The following PRPS2 variants were observed in gnomAD, a reference collection of about 807,000 sequenced individuals.
PRPS2 encodes ribose-phosphate pyrophosphokinase 2.
For synonymous variants in PRPS2, 111 were observed against 115.3 expected, an observed-to-expected ratio of 0.96 and a Z score of 0.24; for missense variants, 104 against 271.5, an observed-to-expected ratio of 0.38 and a Z score of 4.34.
At chrX:12,805,942 G>A (rs1263034207) in intron 2 of PRPS2, among the ~76,000 whole-genome samples, 10 of 111,791 alleles carry the variant, frequency 8.9e-5, no homozygotes, top group Middle Eastern at 4.6e-3. Context: ...GCCTGGTGGC[G>A]TGTGCCTGTA....
At chrX:12,799,835 C>T (rs2042560770) in intron 2 of PRPS2, among the ~76,000 whole-genome samples, 3 of 110,974 alleles carry the variant, frequency 2.7e-5, no homozygotes, top group East Asian at 5.6e-4. Flanking sequence ...AGGATCTCTG[C>T]GTTGTTTCAT....
intron 1 of PRPS2, 127 bp from the exon 2 acceptor site, chrX:12,799,080 A>G: frequency 1.7e-6 from 1 of 582,231 alleles, no homozygotes; most frequent in Non-Finnish European, 2.7e-6. Context: ...AATTACAGCC[A>G]TGAGTGCAAC....
intron 1 of PRPS2, 100 bp from the exon 2 acceptor site, chrX:12,799,107 A>G (rs1320277103): frequency 3.7e-6 from 3 of 816,362 alleles, no homozygotes; most frequent in African/African-American, 2.0e-5. Flanking sequence ...GCTGAGTCCT[A>G]TAAGTCATCC....
chrX:12,807,184 G>T (rs2042597999), intron 2 of PRPS2, among the ~76,000 whole-genome samples: 2 of 112,450 alleles, frequency 1.8e-5, no homozygotes, highest in Non-Finnish European at 1.9e-5. Flanking sequence ...GTCTGGTACG[G>T]GCTGCGTCCT....
At chrX:12,797,133 G>A (rs1316082052) in intron 1 of PRPS2, among the ~76,000 whole-genome samples, 1 of 109,954 alleles carries the variant, frequency 9.1e-6, no homozygotes, top group Non-Finnish European at 1.9e-5. Context: ...TGAGGTGGGC[G>A]GATCACTTGA....
At chrX:12,817,274 C>T (rs1158641532) in intron 4 of PRPS2, among the ~76,000 whole-genome samples, 2 of 110,189 alleles carry the variant, frequency 1.8e-5, no homozygotes, top group African/African-American at 3.3e-5. Context: ...TTTTTTTATG[C>T]AGAATTTTGT....
At position 12,823,846 on chromosome X, in the gene PRPS2, A is replaced by G. The variant is rs777388831; in HGVS notation, c.*1050A>G. The G allele has an allele frequency of 1.8e-5, 2 of 112,422 alleles. No individual in the cohort carries two copies. Among genetic ancestry groups the G allele is most frequent in the South Asian group, 7.4e-4 (2 of 2,710 alleles). 9.3% of individuals were successfully genotyped at this position (112,422 alleles called of 1,213,427 possible). On this transcript the variant is annotated 3_prime_UTR_variant, in exon 7 of 7. Coordinates refer to ENST00000380668, the MANE Select transcript of PRPS2 (RefSeq NM_002765.5). Reference sequence around the variant, plus strand: ...TTGGTGTTTCCAGTTCACAAAGGTGATGAAGACTGTCTTGGGAGCAGCTTA... The same window carrying G: ...TTGGTGTTTCCAGTTCACAAAGGTGGTGAAGACTGTCTTGGGAGCAGCTTA...
chrX:12,817,896 A>G (rs911421918), intron 4 of PRPS2, among the ~76,000 whole-genome samples: 1 of 110,870 alleles, frequency 9.0e-6, no homozygotes, highest in African/African-American at 3.3e-5. Context: ...GGGGGAGGGG[A>G]GAATAGGGAG....
chrX:12,803,480 TG>T (rs1156477624), intron 2 of PRPS2, among the ~76,000 whole-genome samples: 1 of 112,169 alleles, frequency 8.9e-6, no homozygotes, highest in African/African-American at 3.2e-5. Context: ...GTAGAGGCAG[TG>T]TCTCACTATG....
chrX:12,820,385 T>C (rs2042669688), intron 5 of PRPS2, among the ~76,000 whole-genome samples: 1 of 110,871 alleles, frequency 9.0e-6, no homozygotes, highest in Non-Finnish European at 1.9e-5. Context: ...GCTGTTGAAT[T>C]TTCCCATAAT....
At chrX:12,807,402 A>T (rs2042599071) in intron 2 of PRPS2, among the ~76,000 whole-genome samples, 2 of 112,505 alleles carry the variant, frequency 1.8e-5, no homozygotes, top group African/African-American at 6.5e-5. Flanking sequence ...ACCCGTAGTA[A>T]CTGATTCGAC....
At chrX:12,794,836 T>G (rs911345742) in intron 1 of PRPS2, among the ~76,000 whole-genome samples, 4 of 111,930 alleles carry the variant, frequency 3.6e-5, no homozygotes, top group African/African-American at 1.3e-4. Context: ...AATCTAATCT[T>G]GTGGGATAAA....
intron 1 of PRPS2, among the ~76,000 whole-genome samples, chrX:12,798,594 C>A (rs1302311160): frequency 8.9e-6 from 1 of 112,016 alleles, no homozygotes; most frequent in Non-Finnish European, 1.9e-5. Context: ...GACTGTATAA[C>A]TTTAATAAAA....
chrX:12,824,028 T>G lies in PRPS2; in HGVS notation c.*1232T>G, dbSNP rs2042688714. 1 of 112,290 alleles carries G rather than the reference T, an allele frequency of 8.9e-6. No homozygotes were observed. The highest frequency in any genetic ancestry group is 2.8e-4 in the East Asian group (1 of 3,594). 9.3% of individuals were successfully genotyped at this position (112,290 alleles called of 1,213,427 possible). A position where few individuals can be genotyped will look rare whatever the true frequency, so the allele number is the denominator to read the frequency against. ...GAGAAATATGAATATACCAAAGTTG[T>G]TTGTTTAGCCTCCAACTTAAATTAC... On this transcript the variant is annotated 3_prime_UTR_variant, in exon 7 of 7. Transcript: ENST00000380668.
intron 4 of PRPS2, among the ~76,000 whole-genome samples, chrX:12,814,845 A>C (rs2042639762): frequency 8.9e-6 from 1 of 112,328 alleles, no homozygotes; most frequent in Non-Finnish European, 1.9e-5. Flanking sequence ...AAAGAAGAAA[A>C]TCTTAACACT....
In PRPS2 at chrX:12,810,132, A is replaced by T; in HGVS notation, c.516A>T (p.Ala172=). ...WKNCIIVSPD[A]GGAKRVTSIA... ...ACTGTATCATTGTTTCACCTGACGC[A>T]GGGGGAGCCAAAAGGTATCATGCAG... The change falls in exon 4 of 7, where the codon GCA becomes GCT. Residue 172 remains alanine (A), a synonymous_variant. Coordinates refer to ENST00000380668, the MANE Select transcript of PRPS2 (RefSeq NM_002765.5). The T allele has an allele frequency of 8.3e-7, 1 of 1,211,912 alleles. No individual in the cohort carries two copies. The highest frequency in any genetic ancestry group is 1.1e-6 in the Non-Finnish European group (1 of 895,465).
chrX:12,820,238 T>G (rs1017847042), intron 5 of PRPS2, among the ~76,000 whole-genome samples: 34 of 112,634 alleles, frequency 3.0e-4, no homozygotes, highest in Non-Finnish European at 6.0e-4. Context: ...CAATGATGTT[T>G]GGCTATATTG....
intron 2 of PRPS2, among the ~76,000 whole-genome samples, chrX:12,801,400 CT>C (rs1712094391): frequency 2.7e-5 from 3 of 111,935 alleles, no homozygotes; most frequent in East Asian, 5.6e-4. Flanking sequence ...GTATTTTTAG[CT>C]GTTAAATTTC....
chrX:12,811,587 C>G (rs746908506), intron 4 of PRPS2, among the ~76,000 whole-genome samples: 12 of 111,519 alleles, frequency 1.1e-4, no homozygotes, highest in African/African-American at 3.6e-4. Context: ...ACCCCCCAGT[C>G]CAGTGAGGAA....
Sources: gnomAD v4.1 joint callset for allele counts (sites outside exome capture counted in the v4.1 genomes callset) on GRCh38, gnomAD v4.1.1 for gene constraint, MANE v1.5 for transcripts, NCBI Gene and HGNC (gene_info 2026-07-23, HGNC 2026-07-21) for gene names.